DMP1: variants seen among roughly 807,000 people sequenced by gnomAD.
DMP1 encodes dentin matrix protein 1.
In DMP1, 20 loss-of-function variants were observed where a neutral mutation model predicts 14.6. The observed-to-expected ratio is 1.37, with a 90% CI of 0.96 to 1.99. The LOEUF (loss-of-function observed/expected upper bound fraction) is 1.99. Among genes scored for constraint, DMP1 ranks in the 30% most tolerant of loss-of-function variants. The pLI is 0.00. For synonymous variants in DMP1, 197 were observed against 215.3 expected (o/e 0.91, Z 0.75); for missense variants, 567 against 620.5 (o/e 0.91, Z 0.92).
intron 1 of DMP1, among the ~76,000 whole-genome samples, chr4:87,653,386 G>GATTAT (rs1553906464): frequency 6.9e-5 from 4 of 57,728 alleles, no homozygotes; most frequent in South Asian, 9.5e-4. Flanking sequence ...ATTATCGAGT[G>GATTAT]ATATATATAT....
chr4:87,653,991 T>C (rs1249232749), intron 1 of DMP1, among the ~76,000 whole-genome samples: 3 of 152,202 alleles, frequency 2.0e-5, no homozygotes, highest in Admixed American at 6.5e-5. Context: ...GGCAGCCATG[T>C]AGAAATATGA....
At chr4:87,659,189 A>T in intron 3 of DMP1, 31 bp from the exon 4 acceptor site, 1 of 1,610,958 alleles carries the variant, frequency 6.2e-7, no homozygotes, top group Non-Finnish European at 8.5e-7. Context: ...GTGAGGGAGT[A>T]ATTTGTTTTC....
In DMP1 at chr4:87,663,325, A is replaced by C. The variant is rs1263677859; in HGVS notation, c.*5A>C. On this transcript the variant is annotated 3_prime_UTR_variant, in exon 6 of 6. Coordinates refer to ENST00000339673, the MANE Select transcript of DMP1 (RefSeq NM_004407.4). ...GACTGCCAAGACGGCTATTAGCATC[A>C]GCTGTCCTAAGAAGCAGTTGTCACA... The C allele has an allele frequency of 6.2e-7, 1 of 1,614,122 alleles. No individual in the cohort carries two copies. The highest frequency in any genetic ancestry group is 8.5e-7 in the Non-Finnish European group (1 of 1,180,028).
rs546478347 is a variant in DMP1 at position 87,664,213 on chromosome 4, G to A, written c.*893G>A. On this transcript the variant is annotated 3_prime_UTR_variant, in exon 6 of 6. Coordinates refer to ENST00000339673, the MANE Select transcript of DMP1 (RefSeq NM_004407.4). ...TATTTTTTCTAAAATCAGTTTGCGT[G>A]CAATGCTAGAAAAAAACTGTTCTCT... 1 of 152,412 alleles carries A rather than the reference G, an allele frequency of 6.6e-6. No homozygotes were observed. The highest frequency in any genetic ancestry group is 2.1e-4 in the South Asian group (1 of 4,822). 9.4% of individuals were successfully genotyped at this position (152,412 alleles called of 1,614,324 possible).
chr4:87,656,252 CAT>C (rs1353258522), intron 1 of DMP1, among the ~76,000 whole-genome samples: 1 of 152,188 alleles, frequency 6.6e-6, no homozygotes, highest in African/African-American at 2.4e-5. Flanking sequence ...TTTCACTTAG[CAT>C]AGTGTTCTCA....
At position 87,662,396 on chromosome 4, in the gene DMP1, C is replaced by T. The variant is rs369898414; in HGVS notation, c.618C>T (p.Asp206=). The stretch of plus-strand genomic sequence containing the variant: ...GTGATGGGGAGAGCAGCCATGGAGA[C>T]GGCTCCGAGTTGGACGATGAGGGAA... ...GGSDGESSHG[D]GSELDDEGMQ... is the part of the protein sequence containing the mutation. The change falls in exon 6 of 6, where the codon GAC becomes GAT. Residue 206 remains aspartate (D), a synonymous_variant. Transcript: ENST00000339673. The T allele has an allele frequency of 4.8e-5, 77 of 1,614,086 alleles. No individual in the cohort carries two copies. The highest frequency in any genetic ancestry group is 4.5e-4 in the African/African-American group (34 of 75,010).
At position 87,661,942 on chromosome 4, in the gene DMP1, C is replaced by T; in HGVS notation, c.184-20C>T. ...TCGGTTCCTGGAATACTGACCATAT[C>T]TGTTAACCCCAAATTCTAGGCAAAT... On this transcript the variant is annotated intron_variant, in intron 5 of 5. Coordinates refer to ENST00000339673, the MANE Select transcript of DMP1 (RefSeq NM_004407.4). The T allele has an allele frequency of 6.2e-7, 1 of 1,614,164 alleles. No homozygotes were observed. Among genetic ancestry groups the T allele is most frequent in the Non-Finnish European group, 8.5e-7 (1 of 1,180,024 alleles).
At chr4:87,657,868 C>T (rs535247524) in intron 3 of DMP1, among the ~76,000 whole-genome samples, 1 of 152,292 alleles carries the variant, frequency 6.6e-6, no homozygotes, top group South Asian at 2.1e-4. Flanking sequence ...CTGGCTTTTA[C>T]ATATGATAAA....
chr4:87,653,408 T>TATATATATATATATATATA (rs1728584042), intron 1 of DMP1, among the ~76,000 whole-genome samples: 1 of 102,856 alleles, frequency 9.7e-6, no homozygotes, highest in Non-Finnish European at 2.1e-5. Context: ...TATATATATA[T>TATATATATATATATATATA]ATATATATAT....
At chr4:87,661,399 T>C (rs1728872180) in intron 5 of DMP1, among the ~76,000 whole-genome samples, 1 of 151,638 alleles carries the variant, frequency 6.6e-6, no homozygotes, top group African/African-American at 2.4e-5. Context: ...TTTTTTGTAT[T>C]TTTTAGTAGA....
At position 87,657,010 on chromosome 4, in the gene DMP1, C is replaced by T. The variant is rs1371088505; in HGVS notation, c.55-22C>T. The T allele has an allele frequency of 3.5e-6, 5 of 1,431,832 alleles. 1 individual carries two copies. Among genetic ancestry groups the T allele is most frequent in the South Asian group, 3.5e-5 (3 of 86,878 alleles). 88.7% of individuals were successfully genotyped at this position (1,431,832 alleles called of 1,614,324 possible). On this transcript the variant is annotated intron_variant, in intron 2 of 5. Coordinates refer to ENST00000339673, the MANE Select transcript of DMP1 (RefSeq NM_004407.4). The stretch of plus-strand genomic sequence containing the variant: ...CTTTAGAAATTTCTCTTTGGATTTA[C>T]CATGTGTACTAAATTTTCTAGGTAA...
At chr4:87,656,911 C>G (rs188758040) in intron 2 of DMP1, 121 bp from the exon 3 acceptor site, 2 of 723,226 alleles carry the variant, frequency 2.8e-6, no homozygotes, top group Non-Finnish European at 5.0e-6. Flanking sequence ...TTAACAAGGC[C>G]TCCCAGTGAT....
chr4:87,662,106 G>A lies in DMP1; in HGVS notation c.328G>A (p.Gly110Arg), dbSNP rs1325648907. 1 of 1,614,076 alleles carries A rather than the reference G, an allele frequency of 6.2e-7. No individual in the cohort carries two copies. Among genetic ancestry groups the A allele is most frequent in the Admixed American group, 1.7e-5 (1 of 60,002 alleles). Residue 110 changes from glycine (G) to arginine (R), a missense_variant, in exon 6 of 6, where the codon GGA becomes AGA. Transcript: ENST00000339673. Reference sequence around the variant, plus strand: ...TAAAGATGACGATGAAGATGACAGTGGAGATGACACCTTTGGTGACGATGA... The same window carrying A: ...TAAAGATGACGATGAAGATGACAGTAGAGATGACACCTTTGGTGACGATGA... ...DDKDDDEDDS[G>R]DDTFGDDDSG...
At chr4:87,659,375 T>A in intron 4 of DMP1, 56 bp from the exon 5 acceptor site, 1 of 1,606,046 alleles carries the variant, frequency 6.2e-7, no homozygotes, top group Non-Finnish European at 8.5e-7. Flanking sequence ...TGTATCATGT[T>A]TTTTTCTTTC....
chr4:87,661,457 C>T (rs34029837), intron 5 of DMP1, among the ~76,000 whole-genome samples: 1,828 of 151,704 alleles, frequency 0.012, 28 homozygotes, highest in African/African-American at 0.041. Context: ...CTCCTGACCT[C>T]GTGATCCGCC....
Position 87,663,604 on chromosome 4 carries a change from A to T in DMP1, c.*284A>T. On this transcript the variant is annotated 3_prime_UTR_variant, in exon 6 of 6. Coordinates refer to ENST00000339673, the MANE Select transcript of DMP1 (RefSeq NM_004407.4). Reference sequence around the variant, plus strand: ...AGATAGTTCCTAATTCATCAACGTAACAAACAAAGCTATTGGGTGTCCATG... The same window carrying T: ...AGATAGTTCCTAATTCATCAACGTATCAAACAAAGCTATTGGGTGTCCATG... 2.1e-6 allele frequency: 1 copy of T among 475,320 alleles called. No homozygotes were observed. The highest frequency in any genetic ancestry group is 2.1e-5 in the South Asian group (1 of 47,814). 29.4% of individuals were successfully genotyped at this position (475,320 alleles called of 1,614,324 possible).
chr4:87,654,302 T>C (rs1310281730), intron 1 of DMP1, among the ~76,000 whole-genome samples: 1 of 152,158 alleles, frequency 6.6e-6, no homozygotes, highest in African/African-American at 2.4e-5. Flanking sequence ...AGAGGGATTC[T>C]AGTTTCTATG....
chr4:87,663,034 C>T lies in DMP1; in HGVS notation c.1256C>T (p.Pro419Leu), dbSNP rs145278609. Residue 419 changes from proline (P) to leucine (L), a missense_variant, in exon 6 of 6, where the codon CCG becomes CTG. By Grantham distance (98) the Pro-to-Leu change is moderately conservative (BLOSUM62 -3). Coordinates refer to ENST00000339673, the MANE Select transcript of DMP1 (RefSeq NM_004407.4). ...AGCCTCAACTTCTCAGAGGAAAGCCCGGAGTCCCCTGAGGATGAGAACAGC... is the reference window on the plus strand; with the variant it reads ...AGCCTCAACTTCTCAGAGGAAAGCCTGGAGTCCCCTGAGGATGAGAACAGC... ...SESLNFSEES[P>L]ESPEDENSSS... The T allele has an allele frequency of 4.1e-5, 66 of 1,614,012 alleles. No individual in the cohort carries two copies. Among genetic ancestry groups the T allele is most frequent in the African/African-American group, 2.4e-4 (18 of 74,918 alleles).
At chr4:87,658,832 T>A (rs1270720374) in intron 3 of DMP1, 1 of 244,720 alleles carries the variant, frequency 4.1e-6, no homozygotes, top group African/African-American at 2.3e-5. Flanking sequence ...AACACCAAGA[T>A]GATTGGTTTT....
Sources: allele counts gnomAD v4.1 joint callset (sites outside exome capture counted in the v4.1 genomes callset), GRCh38; gene constraint gnomAD v4.1.1; transcripts MANE v1.5; gene names NCBI Gene and HGNC (gene_info 2026-07-23, HGNC 2026-07-21).